Variants in PPP4R2 observed in about 807,000 individuals in gnomAD.
The protein encoded by PPP4R2 is serine/threonine-protein phosphatase 4 regulatory subunit 2.
In PPP4R2, 13 loss-of-function variants were observed where a neutral mutation model predicts 47.2. That is an observed-to-expected ratio of 0.28 (90% CI 0.18 to 0.44). PPP4R2 has a LOEUF of 0.44. PPP4R2 is among the 20% of genes least tolerant of loss of function. The pLI is 1.00. For missense variants in PPP4R2, 421 were observed against 491.2 expected (o/e 0.86, Z 1.35); for synonymous variants, 151 against 163.3 (o/e 0.92, Z 0.57).
intron 2 of PPP4R2, among the ~76,000 whole-genome samples, chr3:73,007,823 T>G (rs557204252): frequency 2.0e-5 from 3 of 152,312 alleles, no homozygotes; most frequent in African/African-American, 7.2e-5. Flanking sequence ...TTTTGTTTTA[T>G]TTTGTCTAAC....
intron 2 of PPP4R2, among the ~76,000 whole-genome samples, chr3:73,018,889 C>G (rs976341133): frequency 1.3e-5 from 2 of 152,122 alleles, no homozygotes; most frequent in Admixed American, 1.3e-4. Flanking sequence ...TGACATGTAT[C>G]AATTGCATTT....
chr3:73,060,155 G>C (rs1267687087), intron 4 of PPP4R2, among the ~76,000 whole-genome samples: 2 of 152,084 alleles, frequency 1.3e-5, no homozygotes, highest in African/African-American at 4.8e-5. Flanking sequence ...TTTACCCTGG[G>C]AACAGGAATC....
intron 2 of PPP4R2, among the ~76,000 whole-genome samples, chr3:73,045,731 TGGCCA>T (rs916773062): frequency 6.6e-6 from 1 of 152,080 alleles, no homozygotes; most frequent in Non-Finnish European, 1.5e-5. Context: ...TTCACCATGT[TGGCCA>T]GGCTGATCTC....
chr3:73,052,242 TTTTC>T (rs1218373127), intron 3 of PPP4R2, among the ~76,000 whole-genome samples: 58 of 36,286 alleles, frequency 1.6e-3, no homozygotes, highest in African/African-American at 8.1e-3. Context: ...AATTTCTTTC[TTTTC>T]TTTTTTTTTT....
chr3:73,060,017 T>A (rs915008555), intron 4 of PPP4R2, among the ~76,000 whole-genome samples: 1 of 151,822 alleles, frequency 6.6e-6, no homozygotes, highest in Non-Finnish European at 1.5e-5. Flanking sequence ...AATTGACTTG[T>A]CTTGAGTGAA....
intron 2 of PPP4R2, among the ~76,000 whole-genome samples, chr3:73,005,086 G>A (rs2107209421): frequency 6.6e-6 from 1 of 151,950 alleles, no homozygotes; most frequent in East Asian, 1.9e-4. Flanking sequence ...GGCATTACAG[G>A]TGCCCACCAC....
chr3:73,035,873 C>T (rs942778032), intron 2 of PPP4R2, among the ~76,000 whole-genome samples: 2 of 152,146 alleles, frequency 1.3e-5, no homozygotes, highest in African/African-American at 2.4e-5. Context: ...ACCTCTGCCT[C>T]CCAAAGTGCT....
At chr3:73,049,883 C>T (rs930322034) in intron 3 of PPP4R2, among the ~76,000 whole-genome samples, 2 of 151,794 alleles carry the variant, frequency 1.3e-5, no homozygotes, top group Non-Finnish European at 2.9e-5. Context: ...CATTAAATGC[C>T]TGAGCATTCT....
chr3:72,999,917 CTTT>C (rs1701424968), intron 2 of PPP4R2, among the ~76,000 whole-genome samples: 1 of 152,098 alleles, frequency 6.6e-6, no homozygotes, highest in South Asian at 2.1e-4. Context: ...GCTTTGATTT[CTTT>C]TTATCAACAT....
chr3:73,016,747 T>C (rs1325284271), intron 2 of PPP4R2, among the ~76,000 whole-genome samples: 1 of 133,876 alleles, frequency 7.5e-6, no homozygotes, highest in Non-Finnish European at 1.7e-5. Flanking sequence ...TTATTATTTT[T>C]TTTTTTTAAT....
At chr3:73,022,016 G>T (rs1334386189) in intron 2 of PPP4R2, among the ~76,000 whole-genome samples, 1 of 151,348 alleles carries the variant, frequency 6.6e-6, no homozygotes, top group Admixed American at 6.6e-5. Context: ...CCTGCCTTAG[G>T]TTCCCAAGTA....
At chr3:73,039,323 A>T (rs1281140262) in intron 2 of PPP4R2, among the ~76,000 whole-genome samples, 11 of 152,110 alleles carry the variant, frequency 7.2e-5, no homozygotes, top group Non-Finnish European at 1.6e-4. Flanking sequence ...GGGTTTCACC[A>T]TGTTGGCTAG....
intron 2 of PPP4R2, among the ~76,000 whole-genome samples, chr3:73,001,720 C>T (rs1316236092): frequency 2.6e-5 from 4 of 152,058 alleles, no homozygotes; most frequent in African/African-American, 9.7e-5. Flanking sequence ...CTCACTTCAT[C>T]CCCCACCTCC....
In PPP4R2 at chr3:73,069,129, T is replaced by C. The variant is rs1027259189; in HGVS notation, c.*3407T>C. ...ACACTCTTCAGGATTTTCTTTTATT[T>C]CAACTTGGAGCCTAGATTACTTTGC... On this transcript the variant is annotated 3_prime_UTR_variant, in exon 9 of 9. Coordinates refer to ENST00000356692, the MANE Select transcript of PPP4R2 (RefSeq NM_174907.4). 1 of 152,234 alleles carries C rather than the reference T, an allele frequency of 6.6e-6. No homozygotes were observed. The highest frequency in any genetic ancestry group is 2.4e-5 in the African/African-American group (1 of 41,456). The allele number at this position is 152,234 out of a possible 1,614,324, so 9.4% of individuals were successfully genotyped here.
At chr3:73,043,487 T>C (rs1361701647) in intron 2 of PPP4R2, among the ~76,000 whole-genome samples, 1 of 152,218 alleles carries the variant, frequency 6.6e-6, no homozygotes, top group Non-Finnish European at 1.5e-5. Flanking sequence ...GGATTACAAA[T>C]CTGCATTTAC....
At chr3:73,034,584 G>A (rs1376087236) in intron 2 of PPP4R2, among the ~76,000 whole-genome samples, 2 of 152,160 alleles carry the variant, frequency 1.3e-5, no homozygotes, top group Admixed American at 1.3e-4. Flanking sequence ...CCAGGCTGCA[G>A]TGCAGTGGCA....
intron 3 of PPP4R2, among the ~76,000 whole-genome samples, chr3:73,050,143 T>G (rs1401034234): frequency 6.6e-6 from 1 of 152,070 alleles, no homozygotes; most frequent in African/African-American, 2.4e-5. Flanking sequence ...TTTTGTAGTT[T>G]TAGTAGAGAC....
At chr3:72,998,567 C>G (rs1701397995) in intron 2 of PPP4R2, among the ~76,000 whole-genome samples, 1 of 151,854 alleles carries the variant, frequency 6.6e-6, no homozygotes, top group African/African-American at 2.4e-5. Context: ...TGTGTCCAGC[C>G]TTTTTTTGGT....
In PPP4R2 at chr3:73,067,469, T is replaced by C. The variant is rs567885557; in HGVS notation, c.*1747T>C. 13 of 152,264 alleles carry C rather than the reference T, an allele frequency of 8.5e-5. No homozygotes were observed. The highest frequency in any genetic ancestry group is 2.9e-4 in the African/African-American group (12 of 41,570). 9.4% of individuals were successfully genotyped at this position (152,264 alleles called of 1,614,324 possible). ...TCAGGTTCACAACAGCTAGATGATA[T>C]ATTTATGACTATGTCTAATAGTTGA... On this transcript the variant is annotated 3_prime_UTR_variant, in exon 9 of 9. Transcript: ENST00000356692.
Sources: gnomAD v4.1 joint callset for allele counts (sites outside exome capture counted in the v4.1 genomes callset) on GRCh38, gnomAD v4.1.1 for gene constraint, MANE v1.5 for transcripts, NCBI Gene and HGNC (gene_info 2026-07-23, HGNC 2026-07-21) for gene names.